Variants in KIAA0825 observed in about 807,000 individuals in gnomAD.
KIAA0825 encodes the protein KIAA0825.
Under a neutral mutation model 147.6 loss-of-function variants are expected in KIAA0825, and 119 were observed. The ratio of observed to expected loss-of-function variants is 0.81; its 90% CI spans 0.69 to 0.94. KIAA0825 has a LOEUF of 0.94. KIAA0825 is among the 40% of genes least tolerant of loss of function. The probability of loss-of-function intolerance (pLI) is 0.00; values close to 1 mark genes in which losing one functional copy is unlikely to be tolerated. For missense variants in KIAA0825, 1,381 were observed against 1,472.7 expected (o/e 0.94, Z 1.02); for synonymous variants, 470 against 518.1 (o/e 0.91, Z 1.26).
chr5:94,309,434 G>T (rs1453242515), intron 20 of KIAA0825, among the ~76,000 whole-genome samples: 1 of 151,728 alleles, frequency 6.6e-6, no homozygotes, highest in Middle Eastern at 3.4e-3. Flanking sequence ...CTGCAACTGG[G>T]TATACAAACT....
intron 1 of KIAA0825, among the ~76,000 whole-genome samples, chr5:94,585,110 T>G (rs1011762247): frequency 6.6e-6 from 1 of 152,156 alleles, no homozygotes; most frequent in South Asian, 2.1e-4. Context: ...AGACTATCAA[T>G]GCTATGAAGA....
At position 94,293,684 on chromosome 5, in the gene KIAA0825, T is replaced by A. The variant is rs185862447; in HGVS notation, c.3710+90684A>T. On this transcript the variant is annotated intron_variant, in intron 20 of 20. Transcript: ENST00000682413. ...ATAGCCTTGTTAATTTTCTGTCTCA[T>A]TGATCTGTCTAATATTGACAGTGGG... 1.7e-4 allele frequency among the ~76,000 whole-genome samples: 26 copies of A among 152,290 alleles called. No individual in the cohort carries two copies. In the South Asian group the frequency reaches 2.3e-3, roughly 13 times the overall value.
intron 20 of KIAA0825, among the ~76,000 whole-genome samples, chr5:94,224,683 A>G (rs1227531751): frequency 1.3e-5 from 2 of 152,156 alleles, no homozygotes; most frequent in Non-Finnish European, 2.9e-5. Context: ...AAGAGTTATA[A>G]AGCAGTAAGA....
chr5:94,503,480 C>T (rs1765336652), intron 5 of KIAA0825, among the ~76,000 whole-genome samples: 1 of 152,132 alleles, frequency 6.6e-6, no homozygotes, highest in Admixed American at 6.6e-5. Context: ...TGGTCCCATT[C>T]CCTCCCTCAT....
At chr5:94,370,068 CACTT>C (rs1012146946) in intron 20 of KIAA0825, among the ~76,000 whole-genome samples, 1 of 152,054 alleles carries the variant, frequency 6.6e-6, no homozygotes, top group Admixed American at 6.6e-5. Context: ...TATTCACAAT[CACTT>C]AATACTGGAA....
intron 5 of KIAA0825, among the ~76,000 whole-genome samples, chr5:94,495,243 A>C (rs999204095): frequency 1.3e-5 from 2 of 152,220 alleles, no homozygotes; most frequent in Admixed American, 1.3e-4. Flanking sequence ...AGAGGTAGAG[A>C]AGACGTGTCT....
At chr5:94,426,560 C>T (rs1038954586) in intron 14 of KIAA0825, among the ~76,000 whole-genome samples, 6 of 152,204 alleles carry the variant, frequency 3.9e-5, no homozygotes, top group African/African-American at 1.2e-4. Context: ...GAATAGCGTG[C>T]GGGTCAGAGG....
chr5:94,338,892 C>T (rs1782076136), intron 20 of KIAA0825, among the ~76,000 whole-genome samples: 1 of 151,790 alleles, frequency 6.6e-6, no homozygotes, highest in Admixed American at 6.6e-5. Flanking sequence ...TAGGAAAGTC[C>T]TTTTCTCTAT....
intron 20 of KIAA0825, among the ~76,000 whole-genome samples, chr5:94,274,023 G>A (rs1583999474): frequency 6.6e-6 from 1 of 152,134 alleles, no homozygotes; most frequent in African/African-American, 2.4e-5. Flanking sequence ...AACATGGTGT[G>A]CTCTTTGATT....
intron 20 of KIAA0825, among the ~76,000 whole-genome samples, chr5:94,288,659 C>T (rs549938426): frequency 3.3e-5 from 5 of 152,212 alleles, no homozygotes; most frequent in South Asian, 4.2e-4. Context: ...AACACACATA[C>T]GTTTGAAATG....
Position 94,536,981 on chromosome 5 carries a change from AT to A in KIAA0825, c.131+14del. 6.4e-7 allele frequency: 1 copy of A among 1,566,516 alleles called. No homozygotes were observed. The highest frequency in any genetic ancestry group is 8.7e-7 in the Non-Finnish European group (1 of 1,145,940). ...ATGTGAAAACAACTTGTTTTAAATA[AT>A]TAACAATATTTACCTTGCAGCATTT... On this transcript the variant is annotated intron_variant, in intron 3 of 20. Coordinates refer to ENST00000682413, the MANE Select transcript of KIAA0825 (RefSeq NM_001145678.3).
intron 20 of KIAA0825, among the ~76,000 whole-genome samples, chr5:94,261,021 G>A (rs183335225): frequency 3.3e-5 from 5 of 152,144 alleles, no homozygotes; most frequent in Non-Finnish European, 7.4e-5. Flanking sequence ...AATAACATTC[G>A]GTCAGGTGCA....
At chr5:94,228,412 C>T (rs1182679747) in intron 20 of KIAA0825, among the ~76,000 whole-genome samples, 1 of 152,080 alleles carries the variant, frequency 6.6e-6, no homozygotes, top group East Asian at 1.9e-4. Context: ...GATTATTTGC[C>T]ATAGTGTAGC....
chr5:94,398,694 AC>A (rs1750992051), intron 16 of KIAA0825, among the ~76,000 whole-genome samples: 1 of 152,170 alleles, frequency 6.6e-6, no homozygotes, highest in Non-Finnish European at 1.5e-5. Flanking sequence ...AGCATGGGAA[AC>A]AAAGCTCTTA....
intron 20 of KIAA0825, among the ~76,000 whole-genome samples, chr5:94,211,352 A>G (rs966626330): frequency 1.3e-5 from 2 of 151,836 alleles, no homozygotes; most frequent in African/African-American, 2.4e-5. Flanking sequence ...TGGTTTACAA[A>G]CTCTTTGTGG....
chr5:94,172,242 C>T (rs34013242), intron 20 of KIAA0825, among the ~76,000 whole-genome samples: 16,468 of 152,074 alleles, frequency 0.11, 991 homozygotes, highest in Middle Eastern at 0.14. Context: ...AACTCAGGAC[C>T]CTTGATTACT....
At chr5:94,563,274 C>T (rs984496424) in intron 2 of KIAA0825, among the ~76,000 whole-genome samples, 1 of 151,424 alleles carries the variant, frequency 6.6e-6, no homozygotes, top group African/African-American at 2.4e-5. Flanking sequence ...CAGGGAATGG[C>T]GTGAACCCAG....
intron 20 of KIAA0825, among the ~76,000 whole-genome samples, chr5:94,298,818 C>G (rs1432459386): frequency 1.3e-5 from 2 of 152,168 alleles, no homozygotes. Context: ...ATACGTTCAT[C>G]TTGTGCTTGA....
At chr5:94,401,757 C>T (rs932452914) in intron 16 of KIAA0825, among the ~76,000 whole-genome samples, 7 of 152,268 alleles carry the variant, frequency 4.6e-5, no homozygotes, top group Non-Finnish European at 7.4e-5. Flanking sequence ...TTATACTAGT[C>T]TCCTGGCACC....
Sources: gnomAD v4.1 joint callset for allele counts (sites outside exome capture counted in the v4.1 genomes callset) on GRCh38, gnomAD v4.1.1 for gene constraint, MANE v1.5 for transcripts, NCBI Gene and HGNC (gene_info 2026-07-23, HGNC 2026-07-21) for gene names.